Variants in FAM53B observed in about 807,000 individuals in gnomAD.
The protein encoded by FAM53B is family with sequence similarity 53 member B.
A neutral mutation model predicts 32.7 loss-of-function variants in FAM53B; 12 were observed. The observed-to-expected ratio is 0.37, with a 90% CI of 0.24 to 0.59. The LOEUF (loss-of-function observed/expected upper bound fraction) is 0.59, where lower values mean the gene tolerates loss of function less well. Among genes scored for constraint, FAM53B ranks in the 20% least tolerant of loss-of-function variants. The pLI, the probability that FAM53B is intolerant of heterozygous loss-of-function variation, is 0.72. For synonymous variants in FAM53B, 234 were observed against 228.7 expected (o/e 1.02, Z -0.21); for missense variants, 477 against 577.7 (o/e 0.83, Z 1.79).
At chr10:124,624,097 A>G (rs77008413) in intron 4 of FAM53B, 1,826 of 154,768 alleles carry the variant, frequency 0.012, 41 homozygotes, top group African/African-American at 0.043. Context: ...GGTGAAATCA[A>G]TGTTTTTCAA....
At chr10:124,624,557 C>T (rs550785810) in intron 4 of FAM53B, among the ~76,000 whole-genome samples, 1 of 152,314 alleles carries the variant, frequency 6.6e-6, no homozygotes, top group East Asian at 1.9e-4. Flanking sequence ...GAAGCTTCTC[C>T]GCTCACCAAG....
intron 1 of FAM53B, among the ~76,000 whole-genome samples, chr10:124,739,698 C>A (rs1950190205): frequency 6.6e-6 from 1 of 152,084 alleles, no homozygotes; most frequent in African/African-American, 2.4e-5. Flanking sequence ...GCCAAGCTGT[C>A]CCCCATCCCC....
rs369924263 is a variant in FAM53B at position 124,619,724 on chromosome 10, G to C, written c.*3518C>G. 6.6e-6 allele frequency: 1 copy of C among 152,590 alleles called. No individual in the cohort carries two copies. The highest frequency in any genetic ancestry group is 1.9e-4 in the East Asian group (1 of 5,192). 9.5% of individuals were successfully genotyped at this position (152,590 alleles called of 1,614,324 possible). A position where few individuals can be genotyped will look rare whatever the true frequency, so the allele number is the denominator to read the frequency against. ...ATGACAGAGGGGTTTGACCAACAGC[G>C]TGGACATGGCAAGGTGTGGCATCAT... On this transcript the variant is annotated 3_prime_UTR_variant, in exon 5 of 5. Transcript: ENST00000337318.
Position 124,655,469 on chromosome 10 carries a change from A to G in FAM53B, c.906+26138T>C, listed in dbSNP as rs538044067. Reference sequence around the variant, plus strand: ...GACATCTCATCCCACGAAGCTTCTCAGGACGATACCAGCAGGAAACACGGG... The same window carrying G: ...GACATCTCATCCCACGAAGCTTCTCGGGACGATACCAGCAGGAAACACGGG... On this transcript the variant is annotated intron_variant, in intron 4 of 4. Coordinates refer to ENST00000337318, the MANE Select transcript of FAM53B (RefSeq NM_014661.4). Among the ~76,000 whole-genome samples the G allele has an allele frequency of 7.0e-4, 107 of 151,788 alleles. 3 individuals are homozygous for G. In the South Asian group the frequency reaches 0.022, roughly 31 times the overall value.
chr10:124,728,310 C>T (rs796395330), intron 1 of FAM53B, among the ~76,000 whole-genome samples: 2 of 152,322 alleles, frequency 1.3e-5, no homozygotes, highest in African/African-American at 2.4e-5. Context: ...TGATCTGGTT[C>T]GTTCACTCAG....
At position 124,651,670 on chromosome 10, in the gene FAM53B, G is replaced by A. The variant is rs201736742; in HGVS notation, c.907-28066C>T. 6.6e-6 allele frequency among the ~76,000 whole-genome samples: 1 copy of A among 152,124 alleles called. No individual in the cohort carries two copies. Among genetic ancestry groups the A allele is most frequent in the Non-Finnish European group, 1.5e-5 (1 of 68,014 alleles). On this transcript the variant is annotated intron_variant, in intron 4 of 4. Coordinates refer to ENST00000337318, the MANE Select transcript of FAM53B (RefSeq NM_014661.4). This position sits in a 1 kb window ranked among gnomAD's most constrained non-coding sequence, Gnocchi z 5.2. ...TCCTCAGGGGAGCACTGTGGAGACTGTCAGCTGACTTCCGACCCTGGGGCC... is the reference window on the plus strand; with the variant it reads ...TCCTCAGGGGAGCACTGTGGAGACTATCAGCTGACTTCCGACCCTGGGGCC...
At position 124,641,759 on chromosome 10, in the gene FAM53B, G is replaced by A. The variant is rs368064772; in HGVS notation, c.907-18155C>T. Reference sequence around the variant, plus strand: ...GGAGAGGAGCCCCTTCTTGACCCTCGGTCCCAGGTGTCAACAGGTGGGTCT... The same window carrying A: ...GGAGAGGAGCCCCTTCTTGACCCTCAGTCCCAGGTGTCAACAGGTGGGTCT... On this transcript the variant is annotated intron_variant, in intron 4 of 4. Transcript: ENST00000337318. Among the ~76,000 whole-genome samples the A allele has an allele frequency of 9.9e-5, 15 of 152,252 alleles. No individual in the cohort carries two copies. The South Asian group carries it at 1.0e-3, about 11-fold the overall frequency.
chr10:124,675,610 C>T (rs1404387607), intron 4 of FAM53B, among the ~76,000 whole-genome samples: 1 of 152,232 alleles, frequency 6.6e-6, no homozygotes, highest in Non-Finnish European at 1.5e-5. Flanking sequence ...AGGCCTGGGG[C>T]ACACAGCTCA....
intron 4 of FAM53B, among the ~76,000 whole-genome samples, chr10:124,638,354 G>A (rs1268219976): frequency 6.6e-6 from 1 of 151,850 alleles, no homozygotes; most frequent in African/African-American, 2.4e-5. Flanking sequence ...CTCCAGCCTG[G>A]GTGACAGAGA....
chr10:124,625,223 T>C (rs984768173), intron 4 of FAM53B, among the ~76,000 whole-genome samples: 2 of 152,296 alleles, frequency 1.3e-5, no homozygotes. Context: ...TATATGTGCC[T>C]GCCATGGGCA....
intron 4 of FAM53B, among the ~76,000 whole-genome samples, chr10:124,642,992 C>T (rs945672689): frequency 4.6e-5 from 7 of 152,200 alleles, no homozygotes; most frequent in Non-Finnish European, 8.8e-5. Flanking sequence ...CTGACGGTAT[C>T]GTGGGACCTG....
At chr10:124,698,050 C>T (rs1461931755) in intron 2 of FAM53B, among the ~76,000 whole-genome samples, 1 of 152,204 alleles carries the variant, frequency 6.6e-6, no homozygotes, top group East Asian at 1.9e-4. Context: ...GCTGAGAGCT[C>T]AGCCTGTGGA....
intron 1 of FAM53B, among the ~76,000 whole-genome samples, chr10:124,721,398 G>A (rs1950067719): frequency 6.6e-6 from 1 of 152,222 alleles, no homozygotes; most frequent in Non-Finnish European, 1.5e-5. Flanking sequence ...TGCCGGAGGT[G>A]GCATCCACAT....
chr10:124,689,199 A>T (rs1351051580), intron 3 of FAM53B, among the ~76,000 whole-genome samples: 1 of 152,198 alleles, frequency 6.6e-6, no homozygotes, highest in Admixed American at 6.5e-5. Flanking sequence ...CATCAATGGG[A>T]AAATCAAGAG....
chr10:124,657,892 A>G (rs1949604275), intron 4 of FAM53B, among the ~76,000 whole-genome samples: 1 of 152,224 alleles, frequency 6.6e-6, no homozygotes, highest in African/African-American at 2.4e-5. Flanking sequence ...TCTGCTCCAA[A>G]GGCCTTGCTT....
In FAM53B at chr10:124,738,695, T is replaced by C. The variant is rs61377237; in HGVS notation, c.-175+5318A>G. Among the ~76,000 whole-genome samples, 960 of 152,220 alleles carry C rather than the reference T, an allele frequency of 6.3e-3. 36 individuals are homozygous for C. In the East Asian group the frequency reaches 0.09, roughly 14 times the overall value. On this transcript the variant is annotated intron_variant, in intron 1 of 4. Coordinates refer to ENST00000337318, the MANE Select transcript of FAM53B (RefSeq NM_014661.4). ...TGGAGGATATACAATTGTGTTCAGTTACTTGATTACTTTAGGCACGTAAAC... is the reference window on the plus strand; with the variant it reads ...TGGAGGATATACAATTGTGTTCAGTCACTTGATTACTTTAGGCACGTAAAC...
chr10:124,734,425 C>A (rs2134103691), intron 1 of FAM53B, among the ~76,000 whole-genome samples: 1 of 152,348 alleles, frequency 6.6e-6, no homozygotes, highest in East Asian at 1.9e-4. Context: ...AAGGAGGACA[C>A]AGTGGGTGAG....
At chr10:124,661,056 T>TACAAA (rs1949627644) in intron 4 of FAM53B, among the ~76,000 whole-genome samples, 1 of 130,538 alleles carries the variant, frequency 7.7e-6, no homozygotes, top group Admixed American at 7.8e-5. Context: ...CTACTGAAAT[T>TACAAA]AAAAAAAAAA....
At chr10:124,639,200 G>A (rs952721316) in intron 4 of FAM53B, among the ~76,000 whole-genome samples, 1 of 152,162 alleles carries the variant, frequency 6.6e-6, no homozygotes, top group Non-Finnish European at 1.5e-5. Flanking sequence ...GTGGGCCATG[G>A]GGGGTTGGGT....
Sources: gnomAD v4.1 joint callset for allele counts (sites outside exome capture counted in the v4.1 genomes callset) on GRCh38, gnomAD v4.1.1 for gene constraint, Gnocchi (gnomAD v3.1) non-coding constraint, MANE v1.5 for transcripts, NCBI Gene and HGNC (gene_info 2026-07-23, HGNC 2026-07-21) for gene names.